The following RIMS2 variants were observed in gnomAD, a reference collection of about 807,000 sequenced individuals.
RIMS2 encodes regulating synaptic membrane exocytosis protein 2.
A neutral mutation model predicts 174.4 loss-of-function variants in RIMS2; 59 were observed. The observed-to-expected ratio is 0.34, with a 90% CI of 0.27 to 0.42. The LOEUF (loss-of-function observed/expected upper bound fraction) is 0.42. RIMS2 is among the 10% of genes least tolerant of loss of function. The probability of loss-of-function intolerance (pLI) is 1.00; values close to 1 mark genes in which losing one functional copy is unlikely to be tolerated. For synonymous variants in RIMS2, 606 were observed against 572.5 expected (o/e 1.06, Z -0.84); for missense variants, 1,620 against 1,666.3 (o/e 0.97, Z 0.48).
At chr8:103,912,981 T>TTTG (rs1488462541) in intron 6 of RIMS2, among the ~76,000 whole-genome samples, 1 of 146,480 alleles carries the variant, frequency 6.8e-6, no homozygotes, top group Non-Finnish European at 1.5e-5. Flanking sequence ...TTTTTTTTTT[T>TTTG]TTTTTTTTTG....
chr8:104,095,560 A>G (rs944965836), intron 19 of RIMS2, among the ~76,000 whole-genome samples: 1 of 152,132 alleles, frequency 6.6e-6, no homozygotes, highest in African/African-American at 2.4e-5. Flanking sequence ...TCTTTACAGT[A>G]TTATATATAT....
chr8:103,872,940 C>G (rs962762701), intron 3 of RIMS2, among the ~76,000 whole-genome samples: 2 of 152,118 alleles, frequency 1.3e-5, no homozygotes, highest in African/African-American at 4.8e-5. Flanking sequence ...TTGCCACATT[C>G]TGTTTGTCTT....
chr8:104,148,845 A>G (rs747508053), intron 19 of RIMS2: 7 of 1,596,326 alleles, frequency 4.4e-6, no homozygotes, highest in Admixed American at 1.7e-5. Context: ...GCTCAGCCAA[A>G]CGGGTAGGAA....
intron 1 of RIMS2, among the ~76,000 whole-genome samples, chr8:103,571,829 G>T (rs1393144553): frequency 6.6e-6 from 1 of 152,114 alleles, no homozygotes; most frequent in Non-Finnish European, 1.5e-5. Context: ...CCTTTTGTTT[G>T]CTTCAAAAAT....
chr8:103,791,681 A>C (rs890100185), intron 3 of RIMS2, among the ~76,000 whole-genome samples: 5 of 152,216 alleles, frequency 3.3e-5, no homozygotes, highest in African/African-American at 7.2e-5. Context: ...GAACCATCTC[A>C]CATGCAGAGA....
chr8:104,173,272 T>A (rs1468931266), intron 19 of RIMS2, among the ~76,000 whole-genome samples: 1 of 152,180 alleles, frequency 6.6e-6, no homozygotes, highest in Non-Finnish European at 1.5e-5. Context: ...TAATTCAGAA[T>A]GCTATTGGAA....
chr8:103,535,569 A>G (rs1462684603), intron 1 of RIMS2, among the ~76,000 whole-genome samples: 2 of 152,086 alleles, frequency 1.3e-5, no homozygotes, highest in Admixed American at 1.3e-4. Flanking sequence ...TTTTGGCTAG[A>G]CTCCAGGAGC....
At chr8:103,955,340 G>A (rs2086797874) in intron 14 of RIMS2, among the ~76,000 whole-genome samples, 1 of 152,086 alleles carries the variant, frequency 6.6e-6, no homozygotes, top group South Asian at 2.1e-4. Context: ...ACATCAATGT[G>A]AAAATCCTCA....
chr8:104,134,021 T>G (rs148653875), intron 19 of RIMS2, among the ~76,000 whole-genome samples: 229 of 152,262 alleles, frequency 1.5e-3, no homozygotes, highest in African/African-American at 5.3e-3. Flanking sequence ...AACTTAAATT[T>G]GGAGATTATA....
At chr8:103,543,198 A>T (rs1463771160) in intron 1 of RIMS2, among the ~76,000 whole-genome samples, 1 of 152,206 alleles carries the variant, frequency 6.6e-6, no homozygotes, top group African/African-American at 2.4e-5. Context: ...CAACCTACAC[A>T]AATCAGTAGC....
chr8:103,692,588 C>G (rs572305899), intron 1 of RIMS2, among the ~76,000 whole-genome samples: 1 of 152,344 alleles, frequency 6.6e-6, no homozygotes, highest in African/African-American at 2.4e-5. Flanking sequence ...AGCCTTAAAG[C>G]TTTTTAGTCA....
chr8:104,004,567 A>G (rs2095506318), intron 17 of RIMS2, among the ~76,000 whole-genome samples: 1 of 152,186 alleles, frequency 6.6e-6, no homozygotes, highest in South Asian at 2.1e-4. Context: ...AAGAAAATGA[A>G]CTTATCAAGA....
At chr8:103,591,330 G>A (rs1168433225) in intron 1 of RIMS2, among the ~76,000 whole-genome samples, 1 of 150,496 alleles carries the variant, frequency 6.6e-6, no homozygotes, top group Non-Finnish European at 1.5e-5. Context: ...TCTCATCTGT[G>A]TTTTGCAAAT....
At chr8:103,574,611 G>T (rs1449217098) in intron 1 of RIMS2, among the ~76,000 whole-genome samples, 1 of 152,022 alleles carries the variant, frequency 6.6e-6, no homozygotes, top group Non-Finnish European at 1.5e-5. Flanking sequence ...ACTGTCTTTG[G>T]TTCCCCTTTA....
intron 3 of RIMS2, among the ~76,000 whole-genome samples, chr8:103,851,236 G>C (rs2098996096): frequency 6.6e-6 from 1 of 151,820 alleles, no homozygotes; most frequent in Admixed American, 6.6e-5. Flanking sequence ...AATTCTTAGA[G>C]TTAAGGAAGT....
chr8:103,607,874 G>A (rs1420974742), intron 1 of RIMS2, among the ~76,000 whole-genome samples: 3 of 133,272 alleles, frequency 2.3e-5, no homozygotes, highest in Non-Finnish European at 3.2e-5. Flanking sequence ...GCACTTCTCT[G>A]TATTGGTTAT....
chr8:104,174,060 C>T (rs10105188), intron 19 of RIMS2, among the ~76,000 whole-genome samples: 1,660 of 151,900 alleles, frequency 0.011, 21 homozygotes, highest in African/African-American at 0.036. Flanking sequence ...AATTCTCCTG[C>T]CCTAGCCTCC....
chr8:104,096,072 A>G (rs2097757731), intron 19 of RIMS2, among the ~76,000 whole-genome samples: 1 of 152,196 alleles, frequency 6.6e-6, no homozygotes, highest in South Asian at 2.1e-4. Flanking sequence ...ACATTGGTTT[A>G]CTAATAAAGA....
intron 19 of RIMS2, among the ~76,000 whole-genome samples, chr8:104,112,888 CAGACAATAAATGAGAAAGA>C (rs1443667931): frequency 5.9e-5 from 9 of 152,076 alleles, no homozygotes; most frequent in Admixed American, 3.3e-4. Flanking sequence ...CTACTGAACT[CAGACAATAAATGAGAAAGA>C]TAATTCTAAA....
Sources: allele counts gnomAD v4.1 joint callset (sites outside exome capture counted in the v4.1 genomes callset), GRCh38; gene constraint gnomAD v4.1.1; transcripts MANE v1.5; gene names NCBI Gene and HGNC (gene_info 2026-07-23, HGNC 2026-07-21).